KLF12: variants seen among roughly 807,000 people sequenced by gnomAD.
The protein encoded by KLF12 is Krueppel-like factor 12.
Under a neutral mutation model 37.8 loss-of-function variants are expected in KLF12, and 9 were observed. That is an observed-to-expected ratio of 0.24 (90% confidence interval 0.14 to 0.42). The LOEUF is 0.42. Among genes scored for constraint, KLF12 ranks in the 10% least tolerant of loss-of-function variants. KLF12 has a pLI of 1.00. For missense variants in KLF12, 411 were observed against 516.0 expected (o/e 0.80, Z 1.97); for synonymous variants, 208 against 202.1 (o/e 1.03, Z -0.25).
chr13:73,956,998 AGGG>A (rs1890856795), intron 2 of KLF12, among the ~76,000 whole-genome samples: 1 of 142,788 alleles, frequency 7.0e-6, no homozygotes, highest in Admixed American at 7.3e-5. Context: ...AAGGGAAAGG[AGGG>A]AAAGGAAAGG....
rs1043124204 is a variant in KLF12 at position 73,789,673 on chromosome 13, C to A, written c.806+23479G>T. On this transcript the variant is annotated intron_variant, in intron 5 of 7. Transcript: ENST00000377669. Reference sequence around the variant, plus strand: ...TAGTCCCAAATACACTATCTCTAATCTTTTTTTTTTTTTTTTTCTTTGAGA... The same window carrying A: ...TAGTCCCAAATACACTATCTCTAATATTTTTTTTTTTTTTTTTCTTTGAGA... Among the ~76,000 whole-genome samples the A allele has an allele frequency of 3.5e-5, 5 of 141,762 alleles. No homozygotes were observed. In the South Asian group the frequency reaches 8.9e-4, roughly 25 times the overall value. The allele number at this position is 141,762 out of a possible 152,430, so 93.0% of individuals were successfully genotyped here.
intron 3 of KLF12, among the ~76,000 whole-genome samples, chr13:73,935,002 T>C (rs1889864802): frequency 6.7e-6 from 1 of 148,214 alleles, no homozygotes; most frequent in South Asian, 2.1e-4. Flanking sequence ...TTGAGACAGA[T>C]GCAGTCTTGC....
chr13:73,883,495 GA>G (rs1457278190), intron 3 of KLF12, among the ~76,000 whole-genome samples: 1 of 152,146 alleles, frequency 6.6e-6, no homozygotes, highest in Non-Finnish European at 1.5e-5. Flanking sequence ...TGACAGGGAA[GA>G]ACCCCCTAAG....
intron 1 of KLF12, among the ~76,000 whole-genome samples, chr13:74,030,581 C>G (rs1345217667): frequency 6.6e-6 from 1 of 152,082 alleles, no homozygotes; most frequent in Non-Finnish European, 1.5e-5. Flanking sequence ...CCCACGCTCT[C>G]TCTCATTTTG....
chr13:74,061,136 T>C (rs891850044), intron 1 of KLF12, among the ~76,000 whole-genome samples: 5 of 152,224 alleles, frequency 3.3e-5, no homozygotes, highest in Admixed American at 2.0e-4. Flanking sequence ...GGTCTTTTTA[T>C]GTAGGAGGTA....
At chr13:74,059,065 T>C (rs1873425391) in intron 1 of KLF12, among the ~76,000 whole-genome samples, 1 of 152,248 alleles carries the variant, frequency 6.6e-6, no homozygotes, top group African/African-American at 2.4e-5. Flanking sequence ...CTGACTTATT[T>C]CACTTAGGAT....
intron 1 of KLF12, among the ~76,000 whole-genome samples, chr13:74,021,887 G>A (rs1481627388): frequency 1.3e-5 from 2 of 152,190 alleles, no homozygotes; most frequent in Non-Finnish European, 2.9e-5. Flanking sequence ...CTGCCATCAA[G>A]CATAGATCTC....
intron 1 of KLF12, among the ~76,000 whole-genome samples, chr13:74,069,277 A>G (rs909575965): frequency 6.6e-6 from 1 of 152,340 alleles, no homozygotes; most frequent in Middle Eastern, 3.4e-3. Context: ...AGGTGGTTCC[A>G]CAGGGCAGGA....
At chr13:73,798,967 T>C (rs1882141249) in intron 5 of KLF12, among the ~76,000 whole-genome samples, 2 of 152,124 alleles carry the variant, frequency 1.3e-5, no homozygotes, top group African/African-American at 4.8e-5. Context: ...CATGTGAATG[T>C]TCACTGTAGC....
intron 4 of KLF12, among the ~76,000 whole-genome samples, chr13:73,824,380 A>T (rs892718882): frequency 2.0e-5 from 3 of 152,060 alleles, no homozygotes; most frequent in Non-Finnish European, 4.4e-5. Flanking sequence ...TGGAAAGCAG[A>T]TATCTTAGAT....
chr13:73,962,151 T>A (rs1453892880), intron 2 of KLF12: 1 of 348,000 alleles, frequency 2.9e-6, no homozygotes, highest in Admixed American at 3.9e-5. Context: ...AGAAAGAAAT[T>A]AGTTATCAAG....
At position 73,990,702 on chromosome 13, in the gene KLF12, GT is replaced by G. The variant is rs577204576; in HGVS notation, c.33+4287del. ...TCAAAAAACAGAATTCAAAGTTTGG[GT>G]TTTTTTTAATTAACTGTTAATAATA... On this transcript the variant is annotated intron_variant, in intron 2 of 7. Coordinates refer to ENST00000377669, the MANE Select transcript of KLF12 (RefSeq NM_007249.5). Among the ~76,000 whole-genome samples, 176 of 151,928 alleles carry G rather than the reference GT, an allele frequency of 1.2e-3. 2 individuals are homozygous for G. Among genetic ancestry groups the G allele is most frequent in the East Asian group, 1.4e-3 (7 of 5,180 alleles).
At chr13:73,894,897 G>A (rs1195989003) in intron 3 of KLF12, among the ~76,000 whole-genome samples, 1 of 152,152 alleles carries the variant, frequency 6.6e-6, no homozygotes, top group Non-Finnish European at 1.5e-5. Context: ...AAAATTTAGT[G>A]AGAGGATTAT....
intron 2 of KLF12, among the ~76,000 whole-genome samples, chr13:73,946,355 C>CAAA (rs1890421817): frequency 2.0e-5 from 3 of 152,170 alleles, no homozygotes; most frequent in African/African-American, 4.8e-5. Context: ...ATACTTTAAC[C>CAAA]ATTTTCCCCA....
intron 5 of KLF12, among the ~76,000 whole-genome samples, chr13:73,771,969 AT>A (rs757688199): frequency 6.6e-6 from 1 of 152,250 alleles, no homozygotes; most frequent in East Asian, 1.9e-4. Context: ...TATGAAGTGA[AT>A]AATATGGCAT....
intron 7 of KLF12, among the ~76,000 whole-genome samples, chr13:73,711,357 T>C (rs1301874010): frequency 6.6e-6 from 1 of 152,220 alleles, no homozygotes; most frequent in Non-Finnish European, 1.5e-5. Context: ...TGTAGGACTT[T>C]CTGAGCTAGA....
At chr13:74,233,726 A>G in the KLF12 span, among the ~76,000 whole-genome samples, 1 of 152,212 alleles carries the variant, frequency 6.6e-6, no homozygotes, top group Non-Finnish European at 1.5e-5. Context: ...GGTCTTTTAT[A>G]ATAAGGCAAC....
intron 5 of KLF12, among the ~76,000 whole-genome samples, chr13:73,768,451 A>C (rs1566354744): frequency 1.3e-5 from 2 of 152,204 alleles, no homozygotes; most frequent in Non-Finnish European, 2.9e-5. Context: ...GTGCTTATAC[A>C]ACTTTACTAA....
chr13:74,053,623 C>T (rs1030097197), intron 1 of KLF12, among the ~76,000 whole-genome samples: 1 of 152,106 alleles, frequency 6.6e-6, no homozygotes, highest in African/African-American at 2.4e-5. Flanking sequence ...CACTGGCTTC[C>T]ATAATAGCCA....
Sources: gnomAD v4.1 joint callset for allele counts (sites outside exome capture counted in the v4.1 genomes callset) on GRCh38, gnomAD v4.1.1 for gene constraint, MANE v1.5 for transcripts, NCBI Gene and HGNC (gene_info 2026-07-23, HGNC 2026-07-21) for gene names.